The following GRIA1 variants were observed in gnomAD, a reference collection of about 807,000 sequenced individuals.
GRIA1 encodes the protein glutamate receptor 1.
Under a neutral mutation model 99.2 loss-of-function variants are expected in GRIA1, and 31 were observed. The observed-to-expected ratio is 0.31, with a 90% CI of 0.23 to 0.42. GRIA1 has a LOEUF of 0.42. Ranked by LOEUF, GRIA1 falls within the 10% of genes least tolerant of loss-of-function variation. GRIA1 has a pLI of 1.00. For missense variants in GRIA1, 782 were observed against 1,157.5 expected, an observed-to-expected ratio of 0.68 and a Z score of 4.71; for synonymous variants, 438 against 432.4, an observed-to-expected ratio of 1.01 and a Z score of -0.16.
chr5:153,811,531 A>T lies in GRIA1; in HGVS notation c.*306A>T. On this transcript the variant is annotated 3_prime_UTR_variant, in exon 16 of 16. Transcript: ENST00000285900. ...GTGTCTCTGAGAGTAGAGTCACTGG[A>T]ACACTAATGAGGAAACTGCACTGTT... 1 of 338,190 alleles carries T rather than the reference A, an allele frequency of 3.0e-6. No individual in the cohort carries two copies. The highest frequency in any genetic ancestry group is 5.6e-6 in the Non-Finnish European group (1 of 177,170). 20.9% of individuals were successfully genotyped at this position (338,190 alleles called of 1,614,324 possible).
chr5:153,580,905 G>T (rs755181223), intron 2 of GRIA1, among the ~76,000 whole-genome samples: 2 of 152,164 alleles, frequency 1.3e-5, no homozygotes, highest in African/African-American at 4.8e-5. Flanking sequence ...GATGTTGCAC[G>T]TGTCAACATT....
At chr5:153,618,953 A>G (rs1581342674) in intron 2 of GRIA1, among the ~76,000 whole-genome samples, 1 of 152,318 alleles carries the variant, frequency 6.6e-6, no homozygotes. Flanking sequence ...TTTATTTAGT[A>G]CTACTTTCTC....
At chr5:153,764,656 A>G (rs3813470) in intron 12 of GRIA1, 24 bp downstream of exon 12, 888,545 of 1,550,286 alleles carry the variant, frequency 0.57, 261,595 homozygotes, top group East Asian at 0.94. Flanking sequence ...TTGTCCCAAG[A>G]CACTTTCACA....
chr5:153,540,701 C>T (rs1273249354), intron 2 of GRIA1, among the ~76,000 whole-genome samples: 1 of 152,062 alleles, frequency 6.6e-6, no homozygotes, highest in Non-Finnish European at 1.5e-5. Flanking sequence ...GGGACAATCG[C>T]AGATGGGGGA....
intron 11 of GRIA1, among the ~76,000 whole-genome samples, chr5:153,723,697 C>T (rs927960563): frequency 6.6e-6 from 1 of 151,976 alleles, no homozygotes; most frequent in African/African-American, 2.4e-5. Flanking sequence ...GGGGAGGGGC[C>T]CCCGCCATTG....
At position 153,701,648 on chromosome 5, in the gene GRIA1, TGTTC is replaced by T. The variant is rs1581498767; in HGVS notation, c.1452+2576_1452+2579del. Among the ~76,000 whole-genome samples the T allele has an allele frequency of 5.1e-5, 3 of 58,968 alleles. No individual in the cohort carries two copies. In the East Asian group the frequency reaches 4.5e-3, roughly 88 times the overall value. The allele number at this position is 58,968 out of a possible 152,430, so 38.7% of individuals were successfully genotyped here. On this transcript the variant is annotated intron_variant, in intron 10 of 15. Coordinates refer to ENST00000285900, the MANE Select transcript of GRIA1 (RefSeq NM_000827.4). ...AAAAAAAAAAAAAAAAAAAATACTATGTTCTGAAGACTCTGTGATGGCCCCAGTC... is the reference window on the plus strand; with the variant it reads ...AAAAAAAAAAAAAAAAAAAATACTATTGAAGACTCTGTGATGGCCCCAGTC...
intron 11 of GRIA1, among the ~76,000 whole-genome samples, chr5:153,727,934 A>T (rs1290356740): frequency 2.0e-5 from 3 of 151,608 alleles, no homozygotes; most frequent in Non-Finnish European, 2.9e-5. Flanking sequence ...AGTCAATCCT[A>T]AGCCAAAAGA....
chr5:153,582,718 A>G (rs1394918233), intron 2 of GRIA1, among the ~76,000 whole-genome samples: 3 of 152,212 alleles, frequency 2.0e-5, no homozygotes, highest in Non-Finnish European at 2.9e-5. Flanking sequence ...TTCAGTGTTC[A>G]TAAACCAAAG....
chr5:153,801,029 AAAC>A (rs775904602), intron 14 of GRIA1, among the ~76,000 whole-genome samples: 6 of 152,274 alleles, frequency 3.9e-5, no homozygotes, highest in Non-Finnish European at 7.3e-5. Flanking sequence ...GTACATGAAC[AAAC>A]AATATAAACA....
At chr5:153,701,619 C>CAAAAAAAAAAAA (rs70978504) in intron 10 of GRIA1, among the ~76,000 whole-genome samples, 5,515 of 39,160 alleles carry the variant, frequency 0.14, 1,314 homozygotes, top group Non-Finnish European at 0.15. Context: ...AGACCCGTCT[C>CAAAAAAAAAAAA]AAAAAAAAAA....
At chr5:153,802,562 G>A in intron 15 of GRIA1, 72 bp downstream of exon 15, 1 of 1,473,060 alleles carries the variant, frequency 6.8e-7, no homozygotes, top group South Asian at 1.1e-5. Flanking sequence ...GAGTCCCTTT[G>A]CTAGAAAGGG....
chr5:153,775,320 G>A (rs1330637527), intron 13 of GRIA1, among the ~76,000 whole-genome samples: 2 of 152,210 alleles, frequency 1.3e-5, no homozygotes, highest in African/African-American at 4.8e-5. Flanking sequence ...TACCTACCAG[G>A]AGTTTAACGG....
chr5:153,630,684 C>T (rs1275990029), intron 2 of GRIA1, among the ~76,000 whole-genome samples: 7 of 152,212 alleles, frequency 4.6e-5, no homozygotes, highest in Non-Finnish European at 1.0e-4. Context: ...GCAAATCCAG[C>T]AGAGATTTTA....
chr5:153,741,933 T>TA (rs772744445), intron 11 of GRIA1, among the ~76,000 whole-genome samples: 14,789 of 100,562 alleles, frequency 0.15, 783 homozygotes, highest in Middle Eastern at 0.26. Context: ...AAAGCTTTTT[T>TA]TAAAAAAAAA....
chr5:153,646,800 G>A (rs1233884856), intron 2 of GRIA1, 128 bp from the exon 3 acceptor site: 2 of 978,260 alleles, frequency 2.0e-6, no homozygotes, highest in African/African-American at 1.6e-5. Flanking sequence ...TGGATGGGTA[G>A]ATGGATAGAT....
intron 10 of GRIA1, among the ~76,000 whole-genome samples, chr5:153,701,800 G>T (rs1022863326): frequency 6.6e-6 from 1 of 151,868 alleles, no homozygotes; most frequent in East Asian, 1.9e-4. Flanking sequence ...TTCATTTGGA[G>T]GCTTCCAAAT....
At chr5:153,537,782 A>G (rs559841211) in intron 2 of GRIA1, among the ~76,000 whole-genome samples, 3 of 152,188 alleles carry the variant, frequency 2.0e-5, no homozygotes, top group South Asian at 4.2e-4. Context: ...AAGCAACCAT[A>G]CTCTCAGCCC....
chr5:153,556,962 C>A (rs1760701524), intron 2 of GRIA1, among the ~76,000 whole-genome samples: 1 of 152,186 alleles, frequency 6.6e-6, no homozygotes, highest in African/African-American at 2.4e-5. Context: ...AGACTACAAA[C>A]CTGTGCAGCA....
At chr5:153,616,125 A>G (rs1246316361) in intron 2 of GRIA1, among the ~76,000 whole-genome samples, 1 of 152,098 alleles carries the variant, frequency 6.6e-6, no homozygotes, top group Non-Finnish European at 1.5e-5. Context: ...TTCAGGTCCC[A>G]GATTCAGTAT....
Sources: allele counts gnomAD v4.1 joint callset (sites outside exome capture counted in the v4.1 genomes callset), GRCh38; gene constraint gnomAD v4.1.1; transcripts MANE v1.5; gene names NCBI Gene and HGNC (gene_info 2026-07-23, HGNC 2026-07-21).